TEC: variants seen among roughly 807,000 people sequenced by gnomAD.
TEC encodes tec protein tyrosine kinase.
TEC carries 72 observed loss-of-function variants against 93.0 expected under a neutral mutation model. The ratio of observed to expected loss-of-function variants is 0.77; its 90% CI spans 0.64 to 0.94. The LOEUF is 0.94. Among genes scored for constraint, TEC ranks in the 40% least tolerant of loss-of-function variants. The probability of loss-of-function intolerance (pLI) is 0.00; values close to 1 mark genes in which losing one functional copy is unlikely to be tolerated. For missense variants in TEC, 630 were observed against 757.9 expected, an observed-to-expected ratio of 0.83 and a Z score of 1.98; for synonymous variants, 249 against 247.7, an observed-to-expected ratio of 1.01 and a Z score of -0.05.
At chr4:48,199,455 CTTTTTTTTTTTTT>C (rs34965891) in intron 2 of TEC, among the ~76,000 whole-genome samples, 19 of 67,360 alleles carry the variant, frequency 2.8e-4, no homozygotes, top group South Asian at 2.7e-3. Flanking sequence ...GATTTTCTTT[CTTTTTTTTTTTTT>C]TTTTTTTTTT....
intron 1 of TEC, among the ~76,000 whole-genome samples, chr4:48,243,119 ATTT>A (rs1161415543): frequency 6.6e-6 from 1 of 152,116 alleles, no homozygotes; most frequent in African/African-American, 2.4e-5. Context: ...TTTTTAATCT[ATTT>A]CCTGAGACTG....
intron 11 of TEC, 22 bp from the exon 12 acceptor site, chr4:48,146,421 G>A: frequency 6.2e-7 from 1 of 1,603,900 alleles, no homozygotes; most frequent in Non-Finnish European, 8.5e-7. Context: ...AGAAAGCGTT[G>A]CAGTCAAACT....
intron 2 of TEC, among the ~76,000 whole-genome samples, chr4:48,196,182 A>G (rs1722296368): frequency 6.6e-6 from 1 of 152,178 alleles, no homozygotes; most frequent in South Asian, 2.1e-4. Context: ...CATGCAAGTT[A>G]GTAGACTGAG....
At chr4:48,194,753 T>C (rs576204588) in intron 2 of TEC, among the ~76,000 whole-genome samples, 1 of 152,230 alleles carries the variant, frequency 6.6e-6, no homozygotes, top group East Asian at 1.9e-4. Context: ...AGACGGTGAA[T>C]TGCCCATCAA....
chr4:48,154,303 C>T (rs1188173287), intron 9 of TEC, among the ~76,000 whole-genome samples: 1 of 152,230 alleles, frequency 6.6e-6, no homozygotes, highest in African/African-American at 2.4e-5. Context: ...CCTAGACCTA[C>T]TGGTCAGACA....
chr4:48,167,722 C>T, intron 7 of TEC, 56 bp downstream of exon 7: 1 of 1,541,030 alleles, frequency 6.5e-7, no homozygotes. Context: ...ACTTCTCACT[C>T]AACACTTGAC....
chr4:48,248,851 CTT>C (rs1438568406), intron 1 of TEC, among the ~76,000 whole-genome samples: 5 of 141,482 alleles, frequency 3.5e-5, no homozygotes, highest in African/African-American at 8.1e-5. Flanking sequence ...GTTTCTCTCT[CTT>C]TGTCTCCTCT....
intron 2 of TEC, among the ~76,000 whole-genome samples, chr4:48,189,330 A>T (rs995477764): frequency 6.7e-6 from 1 of 148,556 alleles, no homozygotes; most frequent in African/African-American, 2.4e-5. Context: ...CCCTGAGAAC[A>T]CTGACTTACA....
chr4:48,266,708 C>T (rs927143186), intron 1 of TEC, among the ~76,000 whole-genome samples: 19 of 152,144 alleles, frequency 1.2e-4, no homozygotes, highest in African/African-American at 4.1e-4. Flanking sequence ...CGTGGTGGCA[C>T]ATGCCTGTAA....
At chr4:48,217,837 G>A (rs1054891289) in intron 2 of TEC, among the ~76,000 whole-genome samples, 1 of 151,296 alleles carries the variant, frequency 6.6e-6, no homozygotes, top group Non-Finnish European at 1.5e-5. Context: ...GTATATCAAT[G>A]TTAAATGTCT....
At chr4:48,251,147 C>A (rs191204768) in intron 1 of TEC, among the ~76,000 whole-genome samples, 3 of 152,296 alleles carry the variant, frequency 2.0e-5, no homozygotes, top group Admixed American at 2.0e-4. Context: ...AAAACCCATA[C>A]TCCTTAACCT....
At chr4:48,218,425 A>T (rs977791108) in intron 2 of TEC, among the ~76,000 whole-genome samples, 1 of 152,176 alleles carries the variant, frequency 6.6e-6, no homozygotes, top group African/African-American at 2.4e-5. Flanking sequence ...CTGAGCCACC[A>T]CACCTGCCAG....
At chr4:48,185,810 CCCTCCCCCTCCCCCTCTCCCATCT>C in intron 2 of TEC, among the ~76,000 whole-genome samples, 1 of 119,538 alleles carries the variant, frequency 8.4e-6, no homozygotes, top group Admixed American at 8.3e-5. Flanking sequence ...TCTCCCATCT[CCCTCCCCCTCCCCCTCTCCCATCT>C]CCCTCTCCCT....
intron 2 of TEC, among the ~76,000 whole-genome samples, chr4:48,221,677 A>T (rs1370329779): frequency 6.6e-6 from 1 of 152,120 alleles, no homozygotes; most frequent in African/African-American, 2.4e-5. Context: ...CTACGTAGGC[A>T]TGATAGATTA....
intron 2 of TEC, among the ~76,000 whole-genome samples, chr4:48,198,638 AC>A (rs1208060716): frequency 3.3e-5 from 5 of 152,206 alleles, no homozygotes; most frequent in African/African-American, 1.2e-4. Flanking sequence ...GCTCCCACGT[AC>A]ATGTAAAAAT....
intron 2 of TEC, among the ~76,000 whole-genome samples, chr4:48,197,265 C>T (rs967010734): frequency 6.6e-6 from 1 of 152,190 alleles, no homozygotes; most frequent in African/African-American, 2.4e-5. Context: ...GCTGGGGTCC[C>T]AGCTCTGCCA....
At chr4:48,152,191 C>T (rs1023160713) in intron 9 of TEC, among the ~76,000 whole-genome samples, 4 of 152,134 alleles carry the variant, frequency 2.6e-5, no homozygotes, top group East Asian at 1.9e-4. Context: ...CTTGGGAGGC[C>T]GAGGCAGGCA....
intron 2 of TEC, among the ~76,000 whole-genome samples, chr4:48,201,969 T>C (rs1722533789): frequency 6.8e-6 from 1 of 147,592 alleles, no homozygotes; most frequent in Non-Finnish European, 1.5e-5. Flanking sequence ...TTTTTTTTTT[T>C]TTTTTGAGAC....
intron 1 of TEC, among the ~76,000 whole-genome samples, chr4:48,259,476 G>C (rs1724435950): frequency 6.6e-6 from 1 of 152,196 alleles, no homozygotes; most frequent in African/African-American, 2.4e-5. Context: ...AGCACTTTGG[G>C]AGGCTGAAGC....
Sources: gnomAD v4.1 joint callset for allele counts (sites outside exome capture counted in the v4.1 genomes callset) on GRCh38, gnomAD v4.1.1 for gene constraint, MANE v1.5 for transcripts, NCBI Gene and HGNC (gene_info 2026-07-23, HGNC 2026-07-21) for gene names.